CADM2: variants seen among roughly 807,000 people sequenced by gnomAD.
The protein encoded by CADM2 is immunoglobulin superfamily member 4D.
Under a neutral mutation model 49.8 loss-of-function variants are expected in CADM2, and 12 were observed. The observed-to-expected ratio is 0.24, with a 90% CI of 0.15 to 0.39. The LOEUF is 0.39. CADM2 is among the 10% of genes least tolerant of loss of function. The pLI is 1.00. For synonymous variants in CADM2, 214 were observed against 175.4 expected (o/e 1.22, Z -1.74); for missense variants, 378 against 492.3 (o/e 0.77, Z 2.20).
At chr3:85,596,377 A>C (rs898202754) in intron 1 of CADM2, among the ~76,000 whole-genome samples, 3 of 152,072 alleles carry the variant, frequency 2.0e-5, no homozygotes, top group African/African-American at 7.2e-5. Flanking sequence ...TTTAACAGTG[A>C]ATACTTTTAA....
chr3:86,014,875 T>C (rs1288744232), intron 8 of CADM2: 1 of 1,542,220 alleles, frequency 6.5e-7, no homozygotes, highest in Non-Finnish European at 8.8e-7. Flanking sequence ...GTGTATGCAT[T>C]GATGAAGGTC....
At chr3:84,971,221 A>G (rs1365543052) in intron 1 of CADM2, among the ~76,000 whole-genome samples, 2 of 152,138 alleles carry the variant, frequency 1.3e-5, no homozygotes, top group African/African-American at 2.4e-5. Context: ...AAAATTAAAA[A>G]CAATATCCAT....
intron 8 of CADM2, among the ~76,000 whole-genome samples, chr3:86,038,103 T>G (rs1179178890): frequency 6.6e-6 from 1 of 152,208 alleles, no homozygotes; most frequent in Non-Finnish European, 1.5e-5. Flanking sequence ...TTTCTGTTCC[T>G]GTTAGTTTGC....
chr3:85,013,043 G>A (rs1269541713), intron 1 of CADM2, among the ~76,000 whole-genome samples: 1 of 150,836 alleles, frequency 6.6e-6, no homozygotes, highest in South Asian at 2.1e-4. Flanking sequence ...TAATGAATGT[G>A]TTGCAATGTT....
At position 85,752,358 on chromosome 3, in the gene CADM2, G is replaced by A. The variant is rs544266032; in HGVS notation, c.88+25810G>A. On this transcript the variant is annotated intron_variant, in intron 2 of 9. Coordinates refer to ENST00000383699, the MANE Select transcript of CADM2 (RefSeq NM_001167675.2). ...ACAGGTAGAGAAGGATCAGGGGTGT[G>A]TGGTGTAGATCTAGGCAGTCAAATA... is the stretch of plus-strand genomic sequence containing the variant. 4.6e-5 allele frequency among the ~76,000 whole-genome samples: 7 copies of A among 152,162 alleles called. No homozygotes were observed. The South Asian group carries it at 8.3e-4, about 18-fold the overall frequency.
intron 3 of CADM2, among the ~76,000 whole-genome samples, chr3:85,833,204 T>C (rs2074258075): frequency 6.6e-6 from 1 of 151,922 alleles, no homozygotes; most frequent in Admixed American, 6.6e-5. Flanking sequence ...GATGTGCTGC[T>C]GGATTTGGTT....
At chr3:85,759,283 C>T (rs2069263150) in intron 2 of CADM2, among the ~76,000 whole-genome samples, 1 of 151,970 alleles carries the variant, frequency 6.6e-6, no homozygotes, top group Non-Finnish European at 1.5e-5. Flanking sequence ...CAAATATATC[C>T]ACTTTAAGCA....
chr3:85,977,030 A>G (rs1326316354), intron 8 of CADM2, among the ~76,000 whole-genome samples: 2 of 151,358 alleles, frequency 1.3e-5, no homozygotes, highest in Non-Finnish European at 3.0e-5. Flanking sequence ...TTGAAAATAT[A>G]TAGACTGTCT....
intron 1 of CADM2, among the ~76,000 whole-genome samples, chr3:85,447,954 G>A (rs73843612): frequency 0.021 from 3,173 of 152,128 alleles, 109 homozygotes; most frequent in African/African-American, 0.072. Flanking sequence ...CCCTTTCTAT[G>A]TGGCAGATAT....
At chr3:85,850,564 C>G (rs7625546) in intron 3 of CADM2, among the ~76,000 whole-genome samples, 106,906 of 151,742 alleles carry the variant, frequency 0.7, 39,208 homozygotes, top group African/African-American at 0.92. Flanking sequence ...TCCTGACCTC[C>G]TGATCCGCCC....
At chr3:85,070,472 C>T (rs1190089443) in intron 1 of CADM2, among the ~76,000 whole-genome samples, 1 of 152,120 alleles carries the variant, frequency 6.6e-6, no homozygotes, top group Non-Finnish European at 1.5e-5. Flanking sequence ...ATCTGTTAAA[C>T]ACTTAAACCT....
chr3:85,166,245 T>C (rs1576024569), intron 1 of CADM2, among the ~76,000 whole-genome samples: 1 of 151,936 alleles, frequency 6.6e-6, no homozygotes, highest in South Asian at 2.1e-4. Flanking sequence ...TCATCCGCAC[T>C]ATCTCATGTG....
At chr3:85,798,117 G>C (rs1280569119) in intron 2 of CADM2, among the ~76,000 whole-genome samples, 1 of 151,200 alleles carries the variant, frequency 6.6e-6, no homozygotes, top group Non-Finnish European at 1.5e-5. Context: ...TCGTTTGTTT[G>C]TTTGTTTGTT....
At chr3:85,326,383 G>C (rs1407433287) in intron 1 of CADM2, among the ~76,000 whole-genome samples, 2 of 152,052 alleles carry the variant, frequency 1.3e-5, no homozygotes, top group Admixed American at 1.3e-4. Context: ...ATTCATAAAA[G>C]TGTTGACTGA....
At chr3:85,842,238 A>G (rs976955878) in intron 3 of CADM2, among the ~76,000 whole-genome samples, 1 of 152,108 alleles carries the variant, frequency 6.6e-6, no homozygotes, top group Non-Finnish European at 1.5e-5. Context: ...CTAATGACCT[A>G]TCCCCACAAG....
chr3:85,160,348 T>C (rs573740071), intron 1 of CADM2, among the ~76,000 whole-genome samples: 3 of 152,290 alleles, frequency 2.0e-5, no homozygotes, highest in Admixed American at 6.5e-5. Flanking sequence ...TTATGGTACA[T>C]ATAAAGTAAG....
chr3:85,442,765 A>G (rs1576562743), intron 1 of CADM2, among the ~76,000 whole-genome samples: 1 of 151,240 alleles, frequency 6.6e-6, no homozygotes, highest in African/African-American at 2.4e-5. Context: ...AATATTTTCA[A>G]AAACCTAAGA....
At chr3:84,994,706 T>C (rs2033079737) in intron 1 of CADM2, among the ~76,000 whole-genome samples, 1 of 152,184 alleles carries the variant, frequency 6.6e-6, no homozygotes, top group South Asian at 2.1e-4. Context: ...TTTTTGGATA[T>C]ACATAAAATT....
chr3:85,554,689 CATTTTT>C (rs753984224), intron 1 of CADM2, among the ~76,000 whole-genome samples: 7 of 151,930 alleles, frequency 4.6e-5, no homozygotes, highest in Middle Eastern at 3.4e-3. Context: ...TTAAAGACAT[CATTTTT>C]ATTTTTATTT....
Sources: allele counts gnomAD v4.1 joint callset (sites outside exome capture counted in the v4.1 genomes callset), GRCh38; gene constraint gnomAD v4.1.1; transcripts MANE v1.5; gene names NCBI Gene and HGNC (gene_info 2026-07-23, HGNC 2026-07-21).